HMGCS1: variants seen among roughly 807,000 people sequenced by gnomAD.
HMGCS1 encodes 3-hydroxy-3-methylglutaryl-CoA synthase 1, also known as hydroxymethylglutaryl-CoA synthase, cytoplasmic.
HMGCS1 carries 9 observed loss-of-function variants against 52.3 expected under a neutral mutation model. That is an observed-to-expected ratio of 0.17 (90% CI 0.10 to 0.30). HMGCS1 has a LOEUF of 0.30. Ranked by LOEUF, HMGCS1 falls within the 10% of genes least tolerant of loss-of-function variation. The probability of loss-of-function intolerance (pLI) is 1.00; values close to 1 mark genes in which losing one functional copy is unlikely to be tolerated. For synonymous variants in HMGCS1, 176 were observed against 214.4 expected (o/e 0.82, Z 1.57); for missense variants, 320 against 620.9 (o/e 0.52, Z 5.15).
chr5:43,311,685 C>CA (rs1324685380), intron 1 of HMGCS1, among the ~76,000 whole-genome samples: 1 of 152,024 alleles, frequency 6.6e-6, no homozygotes, highest in African/African-American at 2.4e-5. Flanking sequence ...AAATCTAAGT[C>CA]AAAATCTCAA....
At position 43,293,179 on chromosome 5, in the gene HMGCS1, C is replaced by G. The variant is rs556056208; in HGVS notation, c.1184-206G>C. On this transcript the variant is annotated intron_variant, in intron 8 of 10. Transcript: ENST00000325110. ...TAGAAATCTATTATTGAGTATCTGC[C>G]ACTAGACAAGTTAGGAAACAGGCAT... Among the ~76,000 whole-genome samples, 3 of 152,262 alleles carry G rather than the reference C, an allele frequency of 2.0e-5. No homozygotes were observed. In the South Asian group the frequency reaches 6.2e-4, roughly 32 times the overall value.
chr5:43,293,467 G>T (rs368202116), intron 8 of HMGCS1, among the ~76,000 whole-genome samples: 1 of 151,894 alleles, frequency 6.6e-6, no homozygotes, highest in Non-Finnish European at 1.5e-5. Flanking sequence ...CCTGCTCAGG[G>T]AAAGCACAAA....
intron 1 of HMGCS1, among the ~76,000 whole-genome samples, chr5:43,312,328 C>T (rs893350537): frequency 2.6e-5 from 4 of 152,158 alleles, no homozygotes; most frequent in African/African-American, 9.7e-5. Flanking sequence ...CAAGAGCATC[C>T]TCGGGAAGGT....
chr5:43,309,866 A>G (rs1754774048), intron 1 of HMGCS1, among the ~76,000 whole-genome samples: 1 of 152,186 alleles, frequency 6.6e-6, no homozygotes, highest in South Asian at 2.1e-4. Flanking sequence ...AGACTAAAAC[A>G]CAAGAATGAT....
At chr5:43,293,261 T>C (rs572440719) in intron 8 of HMGCS1, among the ~76,000 whole-genome samples, 1 of 152,186 alleles carries the variant, frequency 6.6e-6, no homozygotes, top group Non-Finnish European at 1.5e-5. Context: ...TTATTTTATT[T>C]TTATTATTTT....
In HMGCS1 at chr5:43,291,064, TC is replaced by T; in HGVS notation, c.*66del. The T allele has an allele frequency of 1.1e-6, 1 of 899,028 alleles. No homozygotes were observed. The highest frequency in any genetic ancestry group is 1.9e-6 in the Non-Finnish European group (1 of 534,730). 55.7% of individuals were successfully genotyped at this position (899,028 alleles called of 1,614,324 possible). On this transcript the variant is annotated 3_prime_UTR_variant, in exon 11 of 11. Transcript: ENST00000325110. ...AAATTATCCCCAGATATCCCATTCC[TC>T]CAACTGTTCCCATACCCCCACCCCA...
chr5:43,305,081 G>A (rs929671352), intron 2 of HMGCS1, among the ~76,000 whole-genome samples: 1 of 152,010 alleles, frequency 6.6e-6, no homozygotes, highest in African/African-American at 2.4e-5. Context: ...CCGCCTCCCA[G>A]GTTCAAGCGA....
At chr5:43,300,690 G>C (rs1236983424) in intron 2 of HMGCS1, among the ~76,000 whole-genome samples, 1 of 151,950 alleles carries the variant, frequency 6.6e-6, no homozygotes, top group Non-Finnish European at 1.5e-5. Flanking sequence ...AGCTACTAGG[G>C]AGGCTGAGGT....
chr5:43,299,575 G>A (rs1384402533), intron 2 of HMGCS1, among the ~76,000 whole-genome samples: 10 of 151,986 alleles, frequency 6.6e-5, no homozygotes, highest in South Asian at 6.2e-4. Flanking sequence ...GCGTGAACCC[G>A]GGAGGAGGAG....
rs1754112754 is a variant in HMGCS1, at chr5:43,297,873, G to GATAACACAC, written c.574+127_574+135dup. The stretch of plus-strand genomic sequence containing the variant: ...AAAAAAGAAAAAAAAACATAAATAT[G>GATAACACAC]ATAACACACATAAAGCTCTTAGCAA... On this transcript the variant is annotated intron_variant, in intron 4 of 10. Transcript: ENST00000325110. The GATAACACAC allele has an allele frequency of 5.6e-6, 3 of 535,978 alleles. No homozygotes were observed. The Admixed American group carries it at 1.2e-4, about 21-fold the overall frequency. 33.2% of individuals were successfully genotyped at this position (535,978 alleles called of 1,614,324 possible).
rs1753830323 is a variant in HMGCS1 at position 43,292,552 on chromosome 5, A to G, written c.1395T>C (p.Thr465=). 6.2e-7 allele frequency: 1 copy of G among 1,613,872 alleles called. No homozygotes were observed. The highest frequency in any genetic ancestry group is 1.7e-5 in the Admixed American group (1 of 59,986). The stretch of plus-strand genomic sequence containing the variant: ...CATTTGGAGTGGGACGCCGAGCGTA[A>G]GTTCTTCTGTGCTTTTCATCCACCC... ...LVRVDEKHRR[T]YARRPTPNDD... The change falls in exon 10 of 11, where the codon ACT becomes ACC. Residue 465 remains threonine, a synonymous_variant. Coordinates refer to ENST00000325110, the MANE Select transcript of HMGCS1 (RefSeq NM_001098272.3).
At chr5:43,299,717 A>G (rs1561118284) in intron 2 of HMGCS1, among the ~76,000 whole-genome samples, 2 of 152,172 alleles carry the variant, frequency 1.3e-5, no homozygotes, top group African/African-American at 4.8e-5. Context: ...TTCATCATAG[A>G]TAAACCAGTC....
rs1754253160 is a variant in HMGCS1 at position 43,300,398 on chromosome 5, C to T, written c.-10-1423G>A. Among the ~76,000 whole-genome samples, 3 of 152,174 alleles carry T rather than the reference C, an allele frequency of 2.0e-5. No individual in the cohort carries two copies. In the South Asian group the frequency reaches 6.2e-4, roughly 31 times the overall value. On this transcript the variant is annotated intron_variant, in intron 2 of 10. Transcript: ENST00000325110. ...TGGGCCGAACTGATTCATGAACATT[C>T]TGTATGACTTGTTTGTCAACCCATC...
chr5:43,312,872 T>G (rs1754943467), intron 1 of HMGCS1: 1 of 152,252 alleles, frequency 6.6e-6, no homozygotes, highest in Non-Finnish European at 1.5e-5. Flanking sequence ...CAACTCTATA[T>G]GTGGCAGCAG....
chr5:43,295,676 C>A, intron 6 of HMGCS1, 76 bp downstream of exon 6: 1 of 1,065,116 alleles, frequency 9.4e-7, no homozygotes, highest in East Asian at 2.4e-5. Context: ...TTTCTCAGGT[C>A]TGTACAAATA....
chr5:43,294,945 T>G, intron 6 of HMGCS1, 84 bp from the exon 7 acceptor site: 1 of 819,788 alleles, frequency 1.2e-6, no homozygotes, highest in Non-Finnish European at 1.9e-6. Context: ...AGGATTCAAA[T>G]CTTTAAGTGT....
intron 1 of HMGCS1, among the ~76,000 whole-genome samples, chr5:43,309,324 G>T (rs541535564): frequency 6.7e-6 from 1 of 150,098 alleles, no homozygotes; most frequent in South Asian, 2.1e-4. Context: ...CTGTAACCTC[G>T]ACCTCCCAGG....
In HMGCS1 at chr5:43,288,490, C is replaced by G. The variant is rs1378002136; in HGVS notation, c.*2641G>C. ...GCAGACAAGAGATAAAGTGTTTCAA[C>G]TGTGTCACAAGAGGACAGAAAGTGG... On this transcript the variant is annotated 3_prime_UTR_variant, in exon 11 of 11. Transcript: ENST00000325110. The G allele has an allele frequency of 6.6e-6, 1 of 152,184 alleles. No individual in the cohort carries two copies. Among genetic ancestry groups the G allele is most frequent in the African/African-American group, 2.4e-5 (1 of 41,438 alleles). The allele number at this position is 152,184 out of a possible 1,614,324, so 9.4% of individuals were successfully genotyped here.
chr5:43,298,508 T>G lies in HMGCS1; in HGVS notation c.448+10A>C, dbSNP rs1197797386. The stretch of plus-strand genomic sequence containing the variant: ...TTTGGGGGACGGCGGGGAATAGGCA[T>G]GTAACATACCATCCCAAGAGCTGGA... On this transcript the variant is annotated intron_variant, in intron 3 of 10. Transcript: ENST00000325110. The surrounding 1 kb of genome is among the most constrained non-coding windows in gnomAD (Gnocchi z 5.6). 12 of 1,605,076 alleles carry G rather than the reference T, an allele frequency of 7.5e-6. No homozygotes were observed. In the East Asian group the frequency reaches 2.7e-4, roughly 36 times the overall value.
Sources: allele counts gnomAD v4.1 joint callset (sites outside exome capture counted in the v4.1 genomes callset), GRCh38; gene constraint gnomAD v4.1.1; non-coding constraint Gnocchi (gnomAD v3.1); transcripts MANE v1.5; gene names NCBI Gene and HGNC (gene_info 2026-07-23, HGNC 2026-07-21).